Variants in MPZL3 observed in about 807,000 individuals in gnomAD.
MPZL3 encodes the protein myelin protein zero-like protein 3.
MPZL3 carries 23 observed loss-of-function variants against 24.8 expected under a neutral mutation model. The ratio of observed to expected loss-of-function variants is 0.93; its 90% confidence interval spans 0.67 to 1.31. The LOEUF is 1.31. Ranked by LOEUF, MPZL3 falls within the 40% of genes most tolerant of loss-of-function variation. MPZL3 has a pLI of 0.00. For missense variants in MPZL3, 277 were observed against 294.9 expected, an observed-to-expected ratio of 0.94 and a Z score of 0.44; for synonymous variants, 99 against 106.5, an observed-to-expected ratio of 0.93 and a Z score of 0.44.
At chr11:118,244,955 A>T (rs1255558939) in intron 1 of MPZL3, among the ~76,000 whole-genome samples, 2 of 151,990 alleles carry the variant, frequency 1.3e-5, no homozygotes, top group African/African-American at 4.8e-5. Context: ...AGGTGCCTGT[A>T]ATCCCAGCTA....
At chr11:118,246,580 C>CTTT (rs1169023494) in intron 1 of MPZL3, among the ~76,000 whole-genome samples, 1 of 106,976 alleles carries the variant, frequency 9.3e-6, no homozygotes. Context: ...TTCTTTTTTT[C>CTTT]TTTTCTTTTT....
intron 1 of MPZL3, 144 bp from the exon 2 acceptor site, chr11:118,240,521 G>A: frequency 1.4e-6 from 1 of 728,880 alleles, no homozygotes; most frequent in Non-Finnish European, 2.1e-6. Context: ...GCCCACAAGG[G>A]ACAAGGAGTT....
chr11:118,237,287 A>C, intron 2 of MPZL3, 27 bp from the exon 3 acceptor site: 1 of 1,596,154 alleles, frequency 6.3e-7, no homozygotes. Context: ...ATGAGAGAAA[A>C]GGTTAACTTG....
Position 118,227,432 on chromosome 11 carries a change from A to G in MPZL3, c.*2462T>C, listed in dbSNP as rs1949284378. On this transcript the variant is annotated 3_prime_UTR_variant, in exon 6 of 6. Coordinates refer to ENST00000278949, the MANE Select transcript of MPZL3 (RefSeq NM_198275.3). ...CACTTTATCTTCCTTTCATCCTTAAAGAAGGCAGGTGTCTGTACACTGCTT... is the reference window on the plus strand; with the variant it reads ...CACTTTATCTTCCTTTCATCCTTAAGGAAGGCAGGTGTCTGTACACTGCTT... The G allele has an allele frequency of 6.6e-6, 1 of 152,254 alleles. No individual in the cohort carries two copies. The highest frequency in any genetic ancestry group is 6.5e-5 in the Admixed American group (1 of 15,286). 9.4% of individuals were successfully genotyped at this position (152,254 alleles called of 1,614,324 possible). A position where few individuals can be genotyped will look rare whatever the true frequency, so the allele number is the denominator to read the frequency against.
chr11:118,238,157 G>A (rs1949449881), intron 2 of MPZL3, among the ~76,000 whole-genome samples: 3 of 151,948 alleles, frequency 2.0e-5, no homozygotes, highest in Admixed American at 2.0e-4. Context: ...GAAAAAAAAG[G>A]AAAGAAAGAA....
At chr11:118,248,873 A>G (rs985305363) in intron 1 of MPZL3, among the ~76,000 whole-genome samples, 1 of 152,128 alleles carries the variant, frequency 6.6e-6, no homozygotes, top group Non-Finnish European at 1.5e-5. Context: ...ACTGGTAGAT[A>G]AAGCAAACTT....
intron 2 of MPZL3, among the ~76,000 whole-genome samples, chr11:118,237,532 C>T (rs73596518): frequency 0.045 from 6,853 of 152,082 alleles, 539 homozygotes; most frequent in African/African-American, 0.15. Flanking sequence ...GGCAATTTCA[C>T]CCTCCAAGAG....
At position 118,226,771 on chromosome 11, in the gene MPZL3, C is replaced by T. The variant is rs1949276702; in HGVS notation, c.*3123G>A. 2 of 152,220 alleles carry T rather than the reference C, an allele frequency of 1.3e-5. No homozygotes were observed. Among genetic ancestry groups the T allele is most frequent in the South Asian group, 4.1e-4 (2 of 4,832 alleles). The allele number at this position is 152,220 out of a possible 1,614,324, so 9.4% of individuals were successfully genotyped here. A position where few individuals can be genotyped will look rare whatever the true frequency, so the allele number is the denominator to read the frequency against. ...TACAATATTTGTGCATATGGCCCAA[C>T]AGTGCCTACCCTCCTACAAAACAAA... On this transcript the variant is annotated 3_prime_UTR_variant, in exon 6 of 6. Transcript: ENST00000278949.
intron 2 of MPZL3, 99 bp downstream of exon 2, chr11:118,240,112 T>C: frequency 8.3e-7 from 1 of 1,203,768 alleles, no homozygotes; most frequent in Non-Finnish European, 1.1e-6. Flanking sequence ...GCCCATCTTC[T>C]ACTCTAAGAT....
At chr11:118,238,544 G>A (rs1176645730) in intron 2 of MPZL3, among the ~76,000 whole-genome samples, 2 of 152,162 alleles carry the variant, frequency 1.3e-5, no homozygotes, top group African/African-American at 4.8e-5. Context: ...CAAAATACAG[G>A]CTTTCCTCTT....
intron 1 of MPZL3, among the ~76,000 whole-genome samples, chr11:118,250,385 G>A (rs142295403): frequency 9.2e-5 from 14 of 152,054 alleles, no homozygotes; most frequent in Middle Eastern, 3.4e-3. Flanking sequence ...CAGGGGCTAA[G>A]GGAAATGGAG....
At chr11:118,242,594 C>T (rs981944729) in intron 1 of MPZL3, among the ~76,000 whole-genome samples, 1 of 152,182 alleles carries the variant, frequency 6.6e-6, no homozygotes, top group Non-Finnish European at 1.5e-5. Context: ...TCCTTTCATG[C>T]CACTGAGCCT....
intron 5 of MPZL3, 152 bp downstream of exon 5, chr11:118,233,308 G>A (rs1325729784): frequency 6.1e-6 from 5 of 816,124 alleles, no homozygotes; most frequent in Non-Finnish European, 8.0e-6. Flanking sequence ...GGTCCCCTGA[G>A]TCCAAAATGC....
chr11:118,234,042 A>C (rs1260848258), intron 4 of MPZL3, among the ~76,000 whole-genome samples: 1 of 152,166 alleles, frequency 6.6e-6, no homozygotes, highest in Non-Finnish European at 1.5e-5. Context: ...ACCCACCCTT[A>C]AAGCACAGTT....
intron 1 of MPZL3, among the ~76,000 whole-genome samples, chr11:118,249,804 A>G (rs1949598748): frequency 6.6e-6 from 1 of 152,138 alleles, no homozygotes; most frequent in Admixed American, 6.5e-5. Context: ...TAACTTAAGG[A>G]GAATTCAAAT....
chr11:118,243,443 G>A (rs1163203438), intron 1 of MPZL3, among the ~76,000 whole-genome samples: 2 of 152,114 alleles, frequency 1.3e-5, no homozygotes, highest in African/African-American at 2.4e-5. Context: ...GCTCTGCCTG[G>A]ATTCATCCCC....
At chr11:118,246,403 C>T (rs12280557) in intron 1 of MPZL3, among the ~76,000 whole-genome samples, 31,867 of 150,602 alleles carry the variant, frequency 0.21, 3,437 homozygotes, top group Middle Eastern at 0.28. Context: ...GCCAGCTCAA[C>T]ATCCATTTCC....
intron 1 of MPZL3, among the ~76,000 whole-genome samples, chr11:118,250,057 A>C (rs1013392853): frequency 6.6e-6 from 1 of 151,952 alleles, no homozygotes; most frequent in Non-Finnish European, 1.5e-5. Flanking sequence ...GCTGAAGTGC[A>C]GTGGTGCAAT....
At chr11:118,236,224 A>G (rs972561437) in intron 3 of MPZL3, among the ~76,000 whole-genome samples, 1 of 152,204 alleles carries the variant, frequency 6.6e-6, no homozygotes, top group Non-Finnish European at 1.5e-5. Flanking sequence ...CAGCAGTATG[A>G]ATGTGCTCAT....
Sources: allele counts gnomAD v4.1 joint callset (sites outside exome capture counted in the v4.1 genomes callset), GRCh38; gene constraint gnomAD v4.1.1; transcripts MANE v1.5; gene names NCBI Gene and HGNC (gene_info 2026-07-23, HGNC 2026-07-21).